CA9: variants seen among roughly 807,000 people sequenced by gnomAD.
CA9 encodes CA-IX.
A neutral mutation model predicts 51.8 loss-of-function variants in CA9; 43 were observed. That is an observed-to-expected ratio of 0.83 (90% CI 0.65 to 1.07). The LOEUF (loss-of-function observed/expected upper bound fraction) is 1.07. Among genes scored for constraint, CA9 ranks in the 50% least tolerant of loss-of-function variants. The pLI, the probability that CA9 is intolerant of heterozygous loss-of-function variation, is 0.00. For missense variants in CA9, 574 were observed against 581.4 expected, an observed-to-expected ratio of 0.99 and a Z score of 0.13; for synonymous variants, 253 against 244.2, an observed-to-expected ratio of 1.04 and a Z score of -0.34.
intron 2 of CA9, 79 bp from the exon 3 acceptor site, chr9:35,675,681 AC>A: frequency 2.9e-6 from 2 of 682,482 alleles, no homozygotes; most frequent in Non-Finnish European, 2.3e-6. Context: ...CCACCGTCCC[AC>A]CCCCTCACCT....
chr9:35,679,727 C>G (rs1824494810), intron 7 of CA9, 127 bp from the exon 8 acceptor site: 1 of 864,998 alleles, frequency 1.2e-6, no homozygotes, highest in African/African-American at 1.7e-5. Flanking sequence ...TAAAAGAAAT[C>G]AAGAGGCTGG....
At position 35,679,905 on chromosome 9, in the gene CA9, C is replaced by T. The variant is rs202231122; in HGVS notation, c.1117C>T (p.Leu373=). The change falls in exon 8 of 11, where the codon CTG becomes TTG. Residue 373 remains leucine, a synonymous_variant. Transcript: ENST00000378357. ...GGGACCTGGTGACTCTCGGCTACAGCTGAACTTCCGAGCGACGCAGCCTTT... is the reference window on the plus strand; with the variant it reads ...GGGACCTGGTGACTCTCGGCTACAGTTGAACTTCCGAGCGACGCAGCCTTT... ...LWGPGDSRLQ[L]NFRATQPLNG... is the part of the protein sequence containing the mutation. 6.4e-5 allele frequency: 103 copies of T among 1,613,546 alleles called. No individual in the cohort carries two copies. Among genetic ancestry groups the T allele is most frequent in the Non-Finnish European group, 8.1e-5 (96 of 1,179,836 alleles).
At chr9:35,677,762 T>A (rs1824453071) in intron 5 of CA9, 28 bp from the exon 6 acceptor site, 1 of 1,593,518 alleles carries the variant, frequency 6.3e-7, no homozygotes, top group Non-Finnish European at 8.6e-7. Flanking sequence ...ATACATGCAC[T>A]CATCTGTCTT....
In CA9 at chr9:35,676,384, C is replaced by CT; in HGVS notation, c.836dup (p.Glu280GlyfsTer11). The CT allele has an allele frequency of 1.2e-6, 2 of 1,612,666 alleles. No individual in the cohort carries two copies. Among genetic ancestry groups the CT allele is most frequent in the East Asian group, 4.5e-5 (2 of 44,892 alleles). ...AGGCCTGGCCGTGTTGGCCGCCTTT[C>CT]TGGAGGTACCAGATCCTGGACACCC... is the stretch of plus-strand genomic sequence containing the variant. On this transcript the variant is annotated frameshift_variant, in exon 5 of 11. Coordinates refer to ENST00000378357, the MANE Select transcript of CA9 (RefSeq NM_001216.3). LOFTEE classifies it high-confidence loss of function.
chr9:35,679,074 G>T, intron 6 of CA9, 111 bp from the exon 7 acceptor site: 1 of 1,143,478 alleles, frequency 8.7e-7, no homozygotes, highest in South Asian at 1.3e-5. Context: ...CGAAGAAGTG[G>T]TCTCAGAGTT....
Position 35,677,785 on chromosome 9 carries a change from C to A in CA9, c.841-5C>A. On this transcript the variant is annotated splice_polypyrimidine_tract_variant and splice_region_variant and intron_variant, in intron 5 of 10. Transcript: ENST00000378357. The stretch of plus-strand genomic sequence containing the variant: ...ACTCATCTGTCTTACAATGTCATCC[C>A]CCAGGAGGGCCCGGAAGAAAACAGT... 1.9e-6 allele frequency: 3 copies of A among 1,613,596 alleles called. No individual in the cohort carries two copies. The highest frequency in any genetic ancestry group is 2.5e-6 in the Non-Finnish European group (3 of 1,179,492).
rs760610911 is a variant in CA9, at chr9:35,674,129, A to G, written c.170A>G (p.Asp57Gly). Residue 57 changes from aspartate (D) to glycine (G), a missense_variant, in exon 1 of 11, where the codon GAT becomes GGT. Physicochemically the swap from Asp to Gly is moderately conservative, Grantham distance 94. Coordinates refer to ENST00000378357, the MANE Select transcript of CA9 (RefSeq NM_001216.3). ...SPLGGGSSGE[D>G]DPLGEEDLPS... ...TTGGGAGGAGGCTCTTCTGGGGAAG[A>G]TGACCCACTGGGCGAGGAGGATCTG... The G allele has an allele frequency of 1.2e-6, 2 of 1,614,134 alleles. No individual in the cohort carries two copies. The highest frequency in any genetic ancestry group is 3.3e-5 in the Admixed American group (2 of 60,036).
chr9:35,677,213 A>G (rs1053409123), intron 5 of CA9, among the ~76,000 whole-genome samples: 4 of 152,178 alleles, frequency 2.6e-5, no homozygotes, highest in South Asian at 2.1e-4. Flanking sequence ...TGCCTCCATC[A>G]TAGCATGTCA....
intron 7 of CA9, 96 bp downstream of exon 7, chr9:35,679,438 CTG>C: frequency 1.4e-6 from 2 of 1,457,454 alleles, no homozygotes; most frequent in Non-Finnish European, 1.9e-6. Context: ...AGGCTGGGCT[CTG>C]TGGCTTACGC....
At position 35,674,208 on chromosome 9, in the gene CA9, AC is replaced by A. The variant is rs763624956; in HGVS notation, c.251del (p.Pro84LeufsTer25). On this transcript the variant is annotated frameshift_variant, in exon 1 of 11. Transcript: ENST00000378357. LOFTEE classifies it high-confidence loss of function. The stretch of plus-strand genomic sequence containing the variant: ...AGGATCCACCCGGAGAGGAGGATCT[AC>A]CTGGAGAGGAGGATCTACCTGGAGA... Reference protein sequence around the residue: ...EEDPPGEEDLPGEEDLPGEED... With the variant: ...EEDPPGEEDLXGEEDLPGEED... The A allele has an allele frequency of 6.6e-7, 1 of 1,513,394 alleles. No homozygotes were observed. The highest frequency in any genetic ancestry group is 1.6e-5 in the African/African-American group (1 of 62,246). 93.7% of individuals were successfully genotyped at this position (1,513,394 alleles called of 1,614,324 possible). A position where few individuals can be genotyped will look rare whatever the true frequency, so the allele number is the denominator to read the frequency against.
Position 35,680,672 on chromosome 9 carries a change from G to A in CA9, c.1238-81G>A, listed in dbSNP as rs1824529363. ...CCTGAGAACTCGGGGCAGGGGTGGT[G>A]GAGTGCACTGAGGCAGGTGTTGAGG... On this transcript the variant is annotated intron_variant, in intron 9 of 10. Transcript: ENST00000378357. 4 of 1,129,968 alleles carry A rather than the reference G, an allele frequency of 3.5e-6. No individual in the cohort carries two copies. In the South Asian group the frequency reaches 3.9e-5, roughly 11 times the overall value. 70.0% of individuals were successfully genotyped at this position (1,129,968 alleles called of 1,614,324 possible).
At chr9:35,677,081 C>T (rs1282183368) in intron 5 of CA9, among the ~76,000 whole-genome samples, 1 of 151,976 alleles carries the variant, frequency 6.6e-6, no homozygotes. Flanking sequence ...TCTCAAACTC[C>T]TGGCCTCAAG....
chr9:35,679,381 G>C (rs760499418), intron 7 of CA9, 39 bp downstream of exon 7: 3 of 1,583,788 alleles, frequency 1.9e-6, no homozygotes, highest in Non-Finnish European at 2.6e-6. Flanking sequence ...GGGTGCGGGG[G>C]AAAGAGGATG....
At chr9:35,677,738 A>C in intron 5 of CA9, 52 bp from the exon 6 acceptor site, 1 of 1,455,178 alleles carries the variant, frequency 6.9e-7, no homozygotes, top group Non-Finnish European at 9.7e-7. Context: ...TCCGGCCTTC[A>C]GCCATGGCCC....
At chr9:35,679,073 G>T in intron 6 of CA9, 112 bp from the exon 7 acceptor site, 1 of 1,121,444 alleles carries the variant, frequency 8.9e-7, no homozygotes, top group Non-Finnish European at 1.3e-6. Flanking sequence ...GCGAAGAAGT[G>T]GTCTCAGAGT....
chr9:35,679,945 T>C lies in CA9; in HGVS notation c.1157T>C (p.Ile386Thr). 1 of 1,614,138 alleles carries C rather than the reference T, an allele frequency of 6.2e-7. No individual in the cohort carries two copies. The change falls in exon 8 of 11, where the codon ATT (isoleucine) becomes ACT (threonine). Residue 386 changes from isoleucine to threonine, a missense_variant. Transcript: ENST00000378357. ...ACGCAGCCTTTGAATGGGCGAGTGA[T>C]TGAGGCCTCCTTCCCTGCTGGAGTG... ...RATQPLNGRVIEASFPAGVDS... is the reference protein window; with the variant it reads ...RATQPLNGRVTEASFPAGVDS...
In CA9 at chr9:35,680,728, C is replaced by T. The variant is rs563202591; in HGVS notation, c.1238-25C>T. The T allele has an allele frequency of 5.1e-4, 820 of 1,605,150 alleles. 14 individuals carry two copies. The South Asian group carries it at 8.3e-3, about 16-fold the overall frequency. On this transcript the variant is annotated intron_variant, in intron 9 of 10. Coordinates refer to ENST00000378357, the MANE Select transcript of CA9 (RefSeq NM_001216.3). ...TGCAGACCCCTCTTCCTTCCCAAAGCAGCCCTCTCTGCTCTCCATCGCAGG... is the reference window on the plus strand; with the variant it reads ...TGCAGACCCCTCTTCCTTCCCAAAGTAGCCCTCTCTGCTCTCCATCGCAGG...
Position 35,679,318 on chromosome 9 carries a change from G to A in CA9, c.1041G>A (p.Gln347=). ...GTGTCATCTGGACTGTGTTTAACCA[G>A]ACAGTGATGCTGAGTGCTAAGCAGG... ...AQGVIWTVFN[Q]TVMLSAKQLH... The change falls in exon 7 of 11, where the codon CAG becomes CAA. Residue 347 remains glutamine, a synonymous_variant. Transcript: ENST00000378357. 1 of 1,613,824 alleles carries A rather than the reference G, an allele frequency of 6.2e-7. No individual in the cohort carries two copies. The highest frequency in any genetic ancestry group is 8.5e-7 in the Non-Finnish European group (1 of 1,179,884).
In CA9 at chr9:35,674,170, TCACCCAGAGAGGAGGATC is replaced by T; in HGVS notation, c.217_234del (p.Arg73_Pro78del). The T allele has an allele frequency of 6.2e-7, 1 of 1,614,024 alleles. No homozygotes were observed. The highest frequency in any genetic ancestry group is 2.2e-5 in the East Asian group (1 of 44,874). On this transcript the variant is annotated inframe_deletion, in exon 1 of 11. Transcript: ENST00000378357. ...GGAGGATCTGCCCAGTGAAGAGGAT[TCACCCAGAGAGGAGGATC>T]CACCCGGAGAGGAGGATCTACCTGG...
Sources: allele counts gnomAD v4.1 joint callset (sites outside exome capture counted in the v4.1 genomes callset), GRCh38; gene constraint gnomAD v4.1.1; transcripts MANE v1.5; gene names NCBI Gene and HGNC (gene_info 2026-07-23, HGNC 2026-07-21).